The following MSN variants were observed in gnomAD, a reference collection of about 807,000 sequenced individuals.
MSN encodes moesin.
A neutral mutation model predicts 48.0 loss-of-function variants in MSN; 2 were observed. The ratio of observed to expected loss-of-function variants is 0.04; its 90% CI spans 0.02 to 0.13. The LOEUF (loss-of-function observed/expected upper bound fraction) is 0.13. Among genes scored for constraint, MSN ranks in the 10% least tolerant of loss-of-function variants. MSN has a pLI of 1.00. For synonymous variants in MSN, 146 were observed against 166.9 expected, an observed-to-expected ratio of 0.87 and a Z score of 0.97; for missense variants, 267 against 470.1, an observed-to-expected ratio of 0.57 and a Z score of 3.99.
intron 1 of MSN, among the ~76,000 whole-genome samples, chrX:65,692,847 T>C (rs1021244416): frequency 2.1e-4 from 23 of 111,222 alleles, no homozygotes; most frequent in African/African-American, 6.5e-4. Context: ...TCCTAGCTAA[T>C]TTTTGTATTT....
chrX:65,733,105 C>A, intron 6 of MSN, 79 bp from the exon 7 acceptor site: 1 of 674,800 alleles, frequency 1.5e-6, no homozygotes, highest in Non-Finnish European at 2.3e-6. Flanking sequence ...TTGGAGGTGA[C>A]AGTGAGGGCA....
intron 10 of MSN, among the ~76,000 whole-genome samples, chrX:65,737,657 T>C (rs1331219314): frequency 8.9e-6 from 1 of 112,439 alleles, no homozygotes; most frequent in African/African-American, 3.2e-5. Flanking sequence ...TGTTGCTGTG[T>C]TGGGAATATT....
chrX:65,662,745 C>T (rs1464598047), upstream of MSN, among the ~76,000 whole-genome samples: 2 of 112,039 alleles, frequency 1.8e-5, no homozygotes, highest in African/African-American at 3.2e-5. Flanking sequence ...TTTTTGTCTA[C>T]GTCTCAAAAA....
intron 1 of MSN, among the ~76,000 whole-genome samples, chrX:65,649,963 T>C: frequency 9.3e-6 from 1 of 107,757 alleles, no homozygotes; most frequent in Non-Finnish European, 1.9e-5. Flanking sequence ...ATCATTTCTC[T>C]GTATATATAG....
intron 1 of MSN, among the ~76,000 whole-genome samples, chrX:65,614,509 G>A (rs1344869272): frequency 1.8e-5 from 2 of 108,347 alleles, no homozygotes; most frequent in Non-Finnish European, 3.8e-5. Flanking sequence ...CCATGAGCAT[G>A]GAATGTTTTT....
Position 65,674,154 on chromosome X carries a change from G to A in MSN, c.12+6301G>A, listed in dbSNP as rs140315350. Among the ~76,000 whole-genome samples, 75 of 111,782 alleles carry A rather than the reference G, an allele frequency of 6.7e-4. 2 individuals carry two copies. The East Asian group carries it at 0.017, about 26-fold the overall frequency. On this transcript the variant is annotated intron_variant, in intron 1 of 12. Coordinates refer to ENST00000360270, the MANE Select transcript of MSN (RefSeq NM_002444.3). ...TTGTGACGGGTGGTGGAAGGCATAT[G>A]TGTAGGCTGAAGGGAGGTAGAGAGA...
chrX:65,660,331 A>G (rs2070812230), intron 1 of MSN, among the ~76,000 whole-genome samples: 1 of 111,878 alleles, frequency 8.9e-6, no homozygotes, highest in Non-Finnish European at 1.9e-5. Context: ...TTGTACATTG[A>G]CTTTGTATTC....
intron 1 of MSN, among the ~76,000 whole-genome samples, chrX:65,681,682 A>G (rs1405820242): frequency 8.9e-6 from 1 of 112,057 alleles, no homozygotes; most frequent in Non-Finnish European, 1.9e-5. Context: ...AGTAATAGCA[A>G]CCTACTTTTT....
upstream of MSN, among the ~76,000 whole-genome samples, chrX:65,664,157 T>G (rs1287281493): frequency 9.0e-6 from 1 of 111,596 alleles, no homozygotes; most frequent in African/African-American, 3.3e-5. Context: ...AGAATAAAAT[T>G]ATGTCCTTAG....
intron 1 of MSN, among the ~76,000 whole-genome samples, chrX:65,677,332 C>G (rs1222241719): frequency 8.9e-6 from 1 of 112,588 alleles, no homozygotes; most frequent in African/African-American, 3.2e-5. Flanking sequence ...GTGAGCTAAA[C>G]TCCTCTCCAA....
intron 1 of MSN, among the ~76,000 whole-genome samples, chrX:65,671,150 T>G (rs935178366): frequency 1.9e-5 from 2 of 107,583 alleles, no homozygotes; most frequent in African/African-American, 6.8e-5. Context: ...AAAGTCCAAT[T>G]CCTCTCATTG....
At chrX:65,641,552 A>G (rs1439224732) in intron 1 of MSN, among the ~76,000 whole-genome samples, 34 of 2,496 alleles carry the variant, frequency 0.014, no homozygotes, top group African/African-American at 0.02. Flanking sequence ...AAAGTGAAGT[A>G]TATATATATA....
intron 8 of MSN, among the ~76,000 whole-genome samples, chrX:65,736,236 C>A (rs1442334304): frequency 9.0e-6 from 1 of 111,038 alleles, no homozygotes; most frequent in Non-Finnish European, 1.9e-5. Flanking sequence ...GCTAAGGTCA[C>A]CCAGTGGGTT....
At position 65,703,571 on chromosome X, in the gene MSN, G is replaced by GT. The variant is rs1007326847; in HGVS notation, c.13-13238dup. 6.9e-3 allele frequency among the ~76,000 whole-genome samples: 750 copies of GT among 108,501 alleles called. 2 individuals carry two copies. Among genetic ancestry groups the GT allele is most frequent in the African/African-American group, 0.015 (433 of 29,777 alleles). 94.2% of individuals were successfully genotyped at this position (108,501 alleles called of 115,157 possible). ...TGAAAACAGAGGTTTTTTGTTTTTT[G>GT]TTTTTTTTTGACAGGATCTCTCTCT... On this transcript the variant is annotated intron_variant, in intron 1 of 12. Transcript: ENST00000360270.
chrX:65,657,596 A>G (rs1005508729), intron 1 of MSN, among the ~76,000 whole-genome samples: 2 of 111,255 alleles, frequency 1.8e-5, no homozygotes, highest in Non-Finnish European at 3.8e-5. Flanking sequence ...CAGGTGAAAA[A>G]CCAGAGAGAA....
chrX:65,711,311 C>T (rs1410151648), intron 1 of MSN, among the ~76,000 whole-genome samples: 4 of 110,872 alleles, frequency 3.6e-5, no homozygotes, highest in East Asian at 2.8e-4. Context: ...CCACCTGCCT[C>T]GGCCTCCCAA....
intron 2 of MSN, among the ~76,000 whole-genome samples, chrX:65,718,124 T>G (rs1295126068): frequency 9.0e-6 from 1 of 111,022 alleles, no homozygotes; most frequent in African/African-American, 3.3e-5. Flanking sequence ...ATGCTAAGTA[T>G]TATGATAAGC....
chrX:65,691,293 T>C (rs1368442410), intron 1 of MSN, among the ~76,000 whole-genome samples: 2 of 110,843 alleles, frequency 1.8e-5, no homozygotes, highest in African/African-American at 6.6e-5. Flanking sequence ...TTTTGTCTTA[T>C]CCTCTCCCTT....
intron 1 of MSN, among the ~76,000 whole-genome samples, chrX:65,599,558 G>A (rs765844097): frequency 8.9e-5 from 10 of 112,511 alleles, no homozygotes; most frequent in African/African-American, 2.9e-4. Context: ...ACTTGAACCC[G>A]TAAGGCGGAG....
Sources: allele counts gnomAD v4.1 joint callset (sites outside exome capture counted in the v4.1 genomes callset), GRCh38; gene constraint gnomAD v4.1.1; transcripts MANE v1.5; gene names NCBI Gene and HGNC (gene_info 2026-07-23, HGNC 2026-07-21).